The following YTHDC1 variants were observed in gnomAD, a reference collection of about 807,000 sequenced individuals.
YTHDC1 encodes YTH N6-methyladenosine RNA binding protein C1.
Under a neutral mutation model 107.0 loss-of-function variants are expected in YTHDC1, and 12 were observed. The ratio of observed to expected loss-of-function variants is 0.11; its 90% CI spans 0.07 to 0.18. The LOEUF (loss-of-function observed/expected upper bound fraction) is 0.18, where lower values mean the gene tolerates loss of function less well. Ranked by LOEUF, YTHDC1 falls within the 10% of genes least tolerant of loss-of-function variation. YTHDC1 has a pLI of 1.00. For synonymous variants in YTHDC1, 280 were observed against 289.5 expected (o/e 0.97, Z 0.33); for missense variants, 635 against 898.8 (o/e 0.71, Z 3.75).
chr4:68,339,898 C>T (rs1054047628), intron 1 of YTHDC1, among the ~76,000 whole-genome samples: 1 of 152,132 alleles, frequency 6.6e-6, no homozygotes, highest in Non-Finnish European at 1.5e-5. Flanking sequence ...CCACTTCTAC[C>T]TTGTCCAACA....
rs116785246 is a variant in YTHDC1 at position 68,323,664 on chromosome 4, G to A, written c.1434+475C>T. On this transcript the variant is annotated intron_variant, in intron 10 of 16. Transcript: ENST00000344157. ...ACTTCTGGTTCAGAATTACATGTGA[G>A]AATTACAAGGGTCAAAGAAAGGTTT... Among the ~76,000 whole-genome samples the A allele has an allele frequency of 3.1e-3, 477 of 152,296 alleles. 2 individuals are homozygous for A. The highest frequency in any genetic ancestry group is 0.011 in the African/African-American group (450 of 41,564).
intron 1 of YTHDC1, 64 bp from the exon 2 acceptor site, chr4:68,338,448 C>G: frequency 7.7e-7 from 1 of 1,293,388 alleles, no homozygotes; most frequent in Non-Finnish European, 1.1e-6. Context: ...TTTTTGAGTA[C>G]TTACTAAGTG....
At chr4:68,344,220 A>AC (rs1411122161) in intron 1 of YTHDC1, 1 of 152,068 alleles carries the variant, frequency 6.6e-6, no homozygotes, top group African/African-American at 2.4e-5. Flanking sequence ...AAAAAAAAAA[A>AC]AAACAAACTC....
At position 68,312,458 on chromosome 4, in the gene YTHDC1, T is replaced by G. The variant is rs2109666823; in HGVS notation, c.*1641A>C. 1 of 152,338 alleles carries G rather than the reference T, an allele frequency of 6.6e-6. No homozygotes were observed. The highest frequency in any genetic ancestry group is 1.9e-4 in the East Asian group (1 of 5,184). 9.4% of individuals were successfully genotyped at this position (152,338 alleles called of 1,614,324 possible). On this transcript the variant is annotated 3_prime_UTR_variant, in exon 17 of 17. Coordinates refer to ENST00000344157, the MANE Select transcript of YTHDC1 (RefSeq NM_001031732.4). The stretch of plus-strand genomic sequence containing the variant: ...AATGCCAATGAAGTGACTTACCATG[T>G]ATCACTAACCGGTTTAATTAAAGAC...
intron 11 of YTHDC1, 128 bp from the exon 12 acceptor site, chr4:68,320,333 A>G: frequency 1.7e-6 from 1 of 590,116 alleles, no homozygotes; most frequent in Non-Finnish European, 2.8e-6. Context: ...TTTTTTAGTG[A>G]GCAAATTATT....
chr4:68,333,477 T>C (rs115010520), intron 4 of YTHDC1, 80 bp from the exon 5 acceptor site: 30,053 of 1,026,460 alleles, frequency 0.029, 581 homozygotes, highest in Middle Eastern at 0.064. Context: ...TATCATTACA[T>C]GTCTAGTTTT....
At chr4:68,320,283 A>T in intron 11 of YTHDC1, 78 bp from the exon 12 acceptor site, 1 of 1,036,214 alleles carries the variant, frequency 9.7e-7, no homozygotes, top group Non-Finnish European at 1.4e-6. Context: ...TTTCTGACAG[A>T]GATAAGTACA....
chr4:68,316,469 A>G, intron 15 of YTHDC1, 21 bp from the exon 16 acceptor site: 1 of 1,608,736 alleles, frequency 6.2e-7, no homozygotes. Context: ...AAAACCATTT[A>G]CATTAAGAAT....
chr4:68,341,806 G>T (rs367697726), intron 1 of YTHDC1, among the ~76,000 whole-genome samples: 1 of 152,156 alleles, frequency 6.6e-6, no homozygotes, highest in Non-Finnish European at 1.5e-5. Flanking sequence ...CTTGCATTTA[G>T]GTATCAGGAA....
chr4:68,347,225 G>A (rs1215143007), intron 1 of YTHDC1, among the ~76,000 whole-genome samples: 1 of 152,104 alleles, frequency 6.6e-6, no homozygotes, highest in Non-Finnish European at 1.5e-5. Flanking sequence ...ACACATTTTG[G>A]ATAGATTAAA....
At chr4:68,338,799 A>G (rs1174456024) in intron 1 of YTHDC1, among the ~76,000 whole-genome samples, 2 of 152,320 alleles carry the variant, frequency 1.3e-5, no homozygotes, top group African/African-American at 4.8e-5. Context: ...GCAGTAAGCC[A>G]AGATTGTGCC....
intron 1 of YTHDC1, among the ~76,000 whole-genome samples, chr4:68,349,426 G>A (rs1299213407): frequency 6.6e-6 from 1 of 152,184 alleles, no homozygotes; most frequent in Non-Finnish European, 1.5e-5. Context: ...AAACCTAGGA[G>A]CTTGCAACTC....
intron 4 of YTHDC1, among the ~76,000 whole-genome samples, chr4:68,336,229 A>G (rs1724145052): frequency 6.6e-6 from 1 of 151,964 alleles, no homozygotes; most frequent in African/African-American, 2.4e-5. Context: ...TTGCTTATGT[A>G]GCAATCTGGT....
At chr4:68,333,286 T>C in intron 5 of YTHDC1, 22 bp downstream of exon 5, 3 of 1,578,392 alleles carry the variant, frequency 1.9e-6, no homozygotes, top group Non-Finnish European at 2.6e-6. Context: ...TCAAGTCAGA[T>C]ATGATCACAA....
chr4:68,320,262 T>A, intron 11 of YTHDC1, 57 bp from the exon 12 acceptor site: 1 of 1,314,158 alleles, frequency 7.6e-7, no homozygotes, highest in Non-Finnish European at 1.1e-6. Context: ...GAACAAAGAG[T>A]AAAGCAAGAG....
chr4:68,326,801 T>C (rs556080176), intron 9 of YTHDC1, among the ~76,000 whole-genome samples: 54 of 151,402 alleles, frequency 3.6e-4, no homozygotes, highest in East Asian at 3.4e-3. Flanking sequence ...ATGTTGGCCA[T>C]GCTAGTCTCG....
chr4:68,332,997 G>C, intron 5 of YTHDC1, 150 bp from the exon 6 acceptor site: 1 of 673,484 alleles, frequency 1.5e-6, no homozygotes, highest in Non-Finnish European at 2.5e-6. Flanking sequence ...CAATGTGTAC[G>C]AGTGTTTTGC....
At chr4:68,346,078 CATATAT>C (rs34633749) in intron 1 of YTHDC1, among the ~76,000 whole-genome samples, 39 of 132,672 alleles carry the variant, frequency 2.9e-4, no homozygotes, top group East Asian at 1.1e-3. Context: ...TGTGTGTGTA[CATATAT>C]ATATATATAT....
chr4:68,337,719 T>C lies in YTHDC1; in HGVS notation c.312A>G (p.Glu104=), dbSNP rs774195837. 2.4e-5 allele frequency: 38 copies of C among 1,614,138 alleles called. No homozygotes were observed. The highest frequency in any genetic ancestry group is 3.1e-5 in the Non-Finnish European group (37 of 1,180,022). ...GATCAGCATCTAGACGCTTGTTTCT[T>C]TCAGATCTTTGATATTCCTCATTTT... The part of the protein sequence containing the change: ...EYKNEEYQRS[E]RNKRLDADRK... Residue 104 remains glutamate (E), a synonymous_variant, in exon 3 of 17, where the codon GAA becomes GAG. Coordinates refer to ENST00000344157, the MANE Select transcript of YTHDC1 (RefSeq NM_001031732.4).
Sources: allele counts gnomAD v4.1 joint callset (sites outside exome capture counted in the v4.1 genomes callset), GRCh38; gene constraint gnomAD v4.1.1; transcripts MANE v1.5; gene names NCBI Gene and HGNC (gene_info 2026-07-23, HGNC 2026-07-21).